Variants in VCF1 observed in about 807,000 individuals in gnomAD.
VCF1 encodes VCP nuclear cofactor family member 1.
chr17:73,225,721 C>T, the VCF1 span, among the ~76,000 whole-genome samples: 1 of 151,652 alleles, frequency 6.6e-6, no homozygotes, highest in Non-Finnish European at 1.5e-5. Context: ...ATTACTATTA[C>T]AGGGTTTTAT....
chr17:73,216,735 G>A, the VCF1 span, among the ~76,000 whole-genome samples: 2 of 152,284 alleles, frequency 1.3e-5, no homozygotes, highest in South Asian at 2.1e-4. Flanking sequence ...AGCAGAGGAC[G>A]GGGAAGTTGA....
chr17:73,207,781 C>G, the VCF1 span: 1 of 1,283,002 alleles, frequency 7.8e-7, no homozygotes, highest in African/African-American at 1.7e-5. Context: ...TTTGAAAGCT[C>G]AAACAGCTTG....
At chr17:73,218,943 C>T in the VCF1 span, among the ~76,000 whole-genome samples, 1 of 152,016 alleles carries the variant, frequency 6.6e-6, no homozygotes. Flanking sequence ...TGGCATGAAC[C>T]TGGGAGGCGG....
the VCF1 span, among the ~76,000 whole-genome samples, chr17:73,218,757 C>T: frequency 2.6e-5 from 4 of 152,072 alleles, no homozygotes; most frequent in Non-Finnish European, 2.9e-5. Context: ...CAGTGGCTCA[C>T]GCCTGTAATC....
At chr17:73,216,936 AC>A in the VCF1 span, among the ~76,000 whole-genome samples, 1 of 152,114 alleles carries the variant, frequency 6.6e-6, no homozygotes, top group Non-Finnish European at 1.5e-5. Context: ...TTAAGAAAGC[AC>A]CCCCACCTCA....
At chr17:73,231,901 T>C in the VCF1 span, among the ~76,000 whole-genome samples, 2 of 152,032 alleles carry the variant, frequency 1.3e-5, no homozygotes, top group Admixed American at 6.5e-5. Context: ...ACCTTCCAGC[T>C]ACCCACAGGA....
the VCF1 span, among the ~76,000 whole-genome samples, chr17:73,212,943 C>T: frequency 1.3e-5 from 2 of 151,522 alleles, no homozygotes; most frequent in Non-Finnish European, 2.9e-5. Context: ...TTTGCAATTT[C>T]CAGTTCATTT....
chr17:73,232,301 CCCCATGTCGCTGCCG>C, the VCF1 span: 22 of 1,579,614 alleles, frequency 1.4e-5, no homozygotes, highest in Non-Finnish European at 1.9e-5. Context: ...CTCCGCGCCC[CCCCATGTCGCTGCCG>C]CCGTGGTACC....
At chr17:73,209,812 T>G in the VCF1 span, 407 of 1,535,180 alleles carry the variant, frequency 2.7e-4, 1 homozygote, top group African/African-American at 5.1e-3. Flanking sequence ...AAGGCTGTTT[T>G]GTTTAAGAGC....
the VCF1 span, among the ~76,000 whole-genome samples, chr17:73,230,371 G>A: frequency 6.6e-6 from 1 of 151,756 alleles, no homozygotes; most frequent in Non-Finnish European, 1.5e-5. Flanking sequence ...CCTCTCTGCG[G>A]CTATCCAATC....
the VCF1 span, chr17:73,227,154 A>C: frequency 6.4e-7 from 1 of 1,554,276 alleles, no homozygotes; most frequent in Admixed American, 2.0e-5. Flanking sequence ...CTATGTGACC[A>C]CACTTCCTAC....
the VCF1 span, chr17:73,208,301 C>A: frequency 6.2e-7 from 1 of 1,613,068 alleles, no homozygotes; most frequent in Middle Eastern, 2.0e-4. Flanking sequence ...CTTTTCTCTA[C>A]ATCCAATGGC....
the VCF1 span, among the ~76,000 whole-genome samples, chr17:73,228,127 G>A: frequency 6.6e-6 from 1 of 152,188 alleles, no homozygotes; most frequent in African/African-American, 2.4e-5. Context: ...CAGTGGCCAC[G>A]TGTAGCTAGT....
the VCF1 span, among the ~76,000 whole-genome samples, chr17:73,218,184 T>C: frequency 1.3e-5 from 2 of 152,186 alleles, no homozygotes; most frequent in African/African-American, 4.8e-5. Flanking sequence ...CAAGAGATGA[T>C]CCCAGCCAAG....
the VCF1 span, among the ~76,000 whole-genome samples, chr17:73,230,972 G>A: frequency 1.3e-5 from 2 of 152,178 alleles, no homozygotes; most frequent in African/African-American, 4.8e-5. Flanking sequence ...GTTTGGGAAA[G>A]AATAATATGG....
At chr17:73,208,227 T>A in the VCF1 span, 7 of 1,605,292 alleles carry the variant, frequency 4.4e-6, no homozygotes, top group Non-Finnish European at 5.9e-6. Flanking sequence ...GTGTGCCGTG[T>A]GGACTCCGAG....
the VCF1 span, among the ~76,000 whole-genome samples, chr17:73,217,901 G>A: frequency 1.1e-4 from 17 of 152,038 alleles, no homozygotes; most frequent in Non-Finnish European, 2.2e-4. Flanking sequence ...GAACCCAGGA[G>A]GCAGAGGTTG....
chr17:73,225,945 A>G, the VCF1 span, among the ~76,000 whole-genome samples: 6 of 138,722 alleles, frequency 4.3e-5, no homozygotes, highest in African/African-American at 1.6e-4. Context: ...TCTGTTGCCC[A>G]GGCTGGAGTA....
the VCF1 span, chr17:73,209,689 T>G: frequency 9.0e-5 from 140 of 1,549,124 alleles, no homozygotes; most frequent in South Asian, 3.9e-4. Context: ...CAAGCTGCCT[T>G]CCGGCCCGCT....
Sources: gnomAD v4.1 joint callset for allele counts (sites outside exome capture counted in the v4.1 genomes callset) on GRCh38, gnomAD v4.1.1 for gene constraint, MANE v1.5 for transcripts, NCBI Gene and HGNC (gene_info 2026-07-23, HGNC 2026-07-21) for gene names.